Variants in DROSHA observed in about 807,000 individuals in gnomAD.
The protein encoded by DROSHA is ribonuclease 3.
In DROSHA, 56 loss-of-function variants were observed where a neutral mutation model predicts 181.9. The ratio of observed to expected loss-of-function variants is 0.31; its 90% CI spans 0.25 to 0.38. The LOEUF (loss-of-function observed/expected upper bound fraction) is 0.38. Ranked by LOEUF, DROSHA falls within the 10% of genes least tolerant of loss-of-function variation. DROSHA has a pLI of 1.00. For missense variants in DROSHA, 1,218 were observed against 1,743.5 expected (o/e 0.70, Z 5.37); for synonymous variants, 524 against 591.2 (o/e 0.89, Z 1.65).
chr5:31,504,695 T>A (rs1422019357), intron 10 of DROSHA, 60 bp from the exon 11 acceptor site: 36 of 1,571,450 alleles, frequency 2.3e-5, no homozygotes, highest in Admixed American at 5.2e-5. Flanking sequence ...CCATGCACGG[T>A]GATGCCTCCG....
At chr5:31,492,644 G>C (rs768056675) in intron 13 of DROSHA, among the ~76,000 whole-genome samples, 2 of 152,220 alleles carry the variant, frequency 1.3e-5, no homozygotes, top group East Asian at 1.9e-4. Flanking sequence ...TGTGAGCATG[G>C]AGATGGAAAG....
chr5:31,418,073 C>G (rs113204439), intron 30 of DROSHA, among the ~76,000 whole-genome samples: 58 of 152,298 alleles, frequency 3.8e-4, no homozygotes, highest in African/African-American at 1.4e-3. Context: ...GGGACTCCAG[C>G]AGCCCACTCC....
At chr5:31,471,573 G>C (rs1476721099) in intron 17 of DROSHA, among the ~76,000 whole-genome samples, 1 of 151,614 alleles carries the variant, frequency 6.6e-6, no homozygotes, top group Non-Finnish European at 1.5e-5. Flanking sequence ...TATGGCGGAG[G>C]ATCAATAAAA....
intron 23 of DROSHA, among the ~76,000 whole-genome samples, chr5:31,447,733 T>C (rs1158762320): frequency 6.6e-6 from 1 of 152,056 alleles, no homozygotes; most frequent in Non-Finnish European, 1.5e-5. Context: ...AAATAGTCAA[T>C]AAGCACATGA....
chr5:31,402,888 A>G (rs964112007), intron 35 of DROSHA, among the ~76,000 whole-genome samples: 124 of 152,324 alleles, frequency 8.1e-4, no homozygotes, highest in African/African-American at 2.9e-3. Context: ...GGTTCAAGCA[A>G]TTCTCTGCCT....
At chr5:31,525,519 A>AG (rs1457981301) in intron 5 of DROSHA, among the ~76,000 whole-genome samples, 12 of 151,058 alleles carry the variant, frequency 7.9e-5, no homozygotes, top group Non-Finnish European at 1.6e-4. Context: ...AAAAAAAAAA[A>AG]AAAAAAAAAG....
chr5:31,446,308 G>A (rs554600994), intron 23 of DROSHA, among the ~76,000 whole-genome samples: 18 of 152,048 alleles, frequency 1.2e-4, no homozygotes, highest in South Asian at 6.2e-4. Flanking sequence ...TTAGCCGGGT[G>A]TGGTGGCGGG....
At chr5:31,527,892 C>T (rs78050626) in intron 4 of DROSHA, among the ~76,000 whole-genome samples, 1,967 of 152,324 alleles carry the variant, frequency 0.013, 22 homozygotes, top group Non-Finnish European at 0.018. Context: ...TCCACCACCT[C>T]TCCAATAAGT....
At chr5:31,446,591 TG>T (rs1412825527) in intron 23 of DROSHA, among the ~76,000 whole-genome samples, 1 of 141,598 alleles carries the variant, frequency 7.1e-6, no homozygotes, top group African/African-American at 2.7e-5. Context: ...GACAGATAAA[TG>T]GAAAGACATC....
chr5:31,464,119 T>C, intron 20 of DROSHA, 117 bp downstream of exon 20: 1 of 843,174 alleles, frequency 1.2e-6, no homozygotes, highest in Non-Finnish European at 1.9e-6. Context: ...TGATATTCCA[T>C]TTAGTCTCAA....
intron 30 of DROSHA, among the ~76,000 whole-genome samples, chr5:31,412,731 T>C (rs910408253): frequency 6.6e-6 from 1 of 152,116 alleles, no homozygotes; most frequent in African/African-American, 2.4e-5. Context: ...TTAACATCCA[T>C]AGAGGAGCTC....
chr5:31,472,712 T>C (rs1168634113), intron 16 of DROSHA, among the ~76,000 whole-genome samples: 1 of 152,232 alleles, frequency 6.6e-6, no homozygotes, highest in Non-Finnish European at 1.5e-5. Context: ...TGTTGTTGCA[T>C]TATGGTCTAA....
intron 22 of DROSHA, 135 bp from the exon 23 acceptor site, chr5:31,448,742 G>T: frequency 1.5e-6 from 1 of 654,788 alleles, no homozygotes; most frequent in Non-Finnish European, 2.6e-6. Flanking sequence ...CTAAAAGTGT[G>T]ATAAACAATT....
At chr5:31,457,119 A>C (rs1747760882) in intron 20 of DROSHA, among the ~76,000 whole-genome samples, 1 of 137,536 alleles carries the variant, frequency 7.3e-6, no homozygotes, top group Non-Finnish European at 1.5e-5. Flanking sequence ...ATAGGAAATT[A>C]AGCCTTTTTT....
At chr5:31,488,316 G>A (rs1752019873) in intron 13 of DROSHA, among the ~76,000 whole-genome samples, 1 of 151,488 alleles carries the variant, frequency 6.6e-6, no homozygotes, top group Non-Finnish European at 1.5e-5. Flanking sequence ...GGGAGGCTGA[G>A]GCAGAAGAAT....
intron 23 of DROSHA, among the ~76,000 whole-genome samples, chr5:31,445,554 C>T (rs987427893): frequency 6.6e-5 from 10 of 152,250 alleles, no homozygotes; most frequent in Middle Eastern, 3.4e-3. Flanking sequence ...AAATCTTAAG[C>T]AAAATACTAC....
chr5:31,462,571 T>TTG (rs1748523014), intron 20 of DROSHA, among the ~76,000 whole-genome samples: 2 of 151,804 alleles, frequency 1.3e-5, no homozygotes, highest in South Asian at 4.2e-4. Context: ...GGAAGGACAT[T>TTG]TGTGATATAG....
At chr5:31,531,092 C>G (rs1741282487) in intron 2 of DROSHA, among the ~76,000 whole-genome samples, 168 bp from the exon 3 acceptor site, 1 of 152,174 alleles carries the variant, frequency 6.6e-6, no homozygotes, top group Non-Finnish European at 1.5e-5. Flanking sequence ...GTCCCAGGCC[C>G]TGTAGACTCA....
At chr5:31,497,169 G>C (rs1753086246) in intron 11 of DROSHA, among the ~76,000 whole-genome samples, 1 of 152,224 alleles carries the variant, frequency 6.6e-6, no homozygotes, top group Non-Finnish European at 1.5e-5. Flanking sequence ...TGAGGGTAGA[G>C]CACATCCCTG....
Sources: gnomAD v4.1 joint callset for allele counts (sites outside exome capture counted in the v4.1 genomes callset) on GRCh38, gnomAD v4.1.1 for gene constraint, MANE v1.5 for transcripts, NCBI Gene and HGNC (gene_info 2026-07-23, HGNC 2026-07-21) for gene names.